DTNBP1: variants seen among roughly 807,000 people sequenced by gnomAD.
DTNBP1 encodes dysbindin.
In DTNBP1, 35 loss-of-function variants were observed where a neutral mutation model predicts 42.8. That is an observed-to-expected ratio of 0.82 (90% CI 0.63 to 1.09). The LOEUF (loss-of-function observed/expected upper bound fraction) is 1.09. Among genes scored for constraint, DTNBP1 ranks in the 50% least tolerant of loss-of-function variants. The probability of loss-of-function intolerance (pLI) is 0.00; values close to 1 mark genes in which losing one functional copy is unlikely to be tolerated. For synonymous variants in DTNBP1, 171 were observed against 162.2 expected (o/e 1.05, Z -0.41); for missense variants, 457 against 424.2 (o/e 1.08, Z -0.68).
In DTNBP1 at chr6:15,662,986, G is replaced by A. The variant is rs745690476; in HGVS notation, c.-117C>T. ...CCGCGCGCCCCGCACTCCCACTACCGGCCCCGCCCCCGGTCTGGTCCTCGC... is the reference window on the plus strand; with the variant it reads ...CCGCGCGCCCCGCACTCCCACTACCAGCCCCGCCCCCGGTCTGGTCCTCGC... On this transcript the variant is annotated 5_prime_UTR_variant, in exon 1 of 10. Transcript: ENST00000344537. The A allele has an allele frequency of 3.5e-6, 5 of 1,425,294 alleles. No individual in the cohort carries two copies. In the Admixed American group the frequency reaches 9.1e-5, roughly 26 times the overall value. The allele number at this position is 1,425,294 out of a possible 1,614,324, so 88.3% of individuals were successfully genotyped here.
chr6:15,600,204 G>A (rs1776675872), intron 6 of DTNBP1, among the ~76,000 whole-genome samples: 1 of 152,140 alleles, frequency 6.6e-6, no homozygotes, highest in Non-Finnish European at 1.5e-5. Context: ...CCCAAGCACA[G>A]AGTACAGATG....
At chr6:15,581,162 GA>G (rs1775812033) in intron 7 of DTNBP1, among the ~76,000 whole-genome samples, 1 of 152,128 alleles carries the variant, frequency 6.6e-6, no homozygotes. Context: ...TAGAAAAGGG[GA>G]GACTGCCAGA....
rs564874971 is a variant in DTNBP1 at position 15,547,824 on chromosome 6, G to C, written c.512-14429C>G. ...TGTCCTGAACTCCAGATATAACAGAGTGGGTTCTCATCCTCTCCATTTTCA... is the reference window on the plus strand; with the variant it reads ...TGTCCTGAACTCCAGATATAACAGACTGGGTTCTCATCCTCTCCATTTTCA... On this transcript the variant is annotated intron_variant, in intron 7 of 9. Transcript: ENST00000344537. Among the ~76,000 whole-genome samples the C allele has an allele frequency of 4.6e-5, 7 of 152,336 alleles. 1 individual carries two copies. The East Asian group carries it at 1.3e-3, about 29-fold the overall frequency.
chr6:15,582,196 T>C (rs1164349129), intron 7 of DTNBP1, among the ~76,000 whole-genome samples: 1 of 152,172 alleles, frequency 6.6e-6, no homozygotes, highest in East Asian at 1.9e-4. Flanking sequence ...CTGAACACTA[T>C]GGAAACTCAA....
intron 1 of DTNBP1, among the ~76,000 whole-genome samples, chr6:15,654,230 C>A (rs2619521): frequency 0.25 from 38,227 of 152,110 alleles, 5,564 homozygotes; most frequent in African/African-American, 0.4. Flanking sequence ...ATAAATTTCT[C>A]AGTTTATCCT....
chr6:15,531,231 A>C (rs1034114119), intron 8 of DTNBP1, among the ~76,000 whole-genome samples: 1 of 152,086 alleles, frequency 6.6e-6, no homozygotes, highest in African/African-American at 2.4e-5. Flanking sequence ...CACCCAGTCC[A>C]TATTGTTTTG....
In DTNBP1 at chr6:15,541,372, C is replaced by T. The variant is rs202215725; in HGVS notation, c.512-7977G>A. On this transcript the variant is annotated intron_variant, in intron 7 of 9. Coordinates refer to ENST00000344537, the MANE Select transcript of DTNBP1 (RefSeq NM_032122.5). ...TTCAAATCTAGGGGTTTAACAGCAT[C>T]TGAATTTTAGAATGAGGACTGAAAA... Among the ~76,000 whole-genome samples the T allele has an allele frequency of 3.3e-5, 5 of 152,246 alleles. No individual in the cohort carries two copies. The East Asian group carries it at 9.6e-4, about 29-fold the overall frequency.
At chr6:15,525,939 ACAC>A (rs1174135274) in intron 8 of DTNBP1, among the ~76,000 whole-genome samples, 2 of 152,198 alleles carry the variant, frequency 1.3e-5, no homozygotes, top group African/African-American at 2.4e-5. Context: ...ATCTTCACCT[ACAC>A]CAATTGCTTT....
chr6:15,641,887 A>T (rs1760382059), intron 3 of DTNBP1, among the ~76,000 whole-genome samples: 1 of 152,150 alleles, frequency 6.6e-6, no homozygotes. Flanking sequence ...GGACAAAGGA[A>T]ATGCAGGCAC....
intron 7 of DTNBP1, among the ~76,000 whole-genome samples, chr6:15,547,863 G>A (rs757339327): frequency 6.6e-6 from 1 of 152,178 alleles, no homozygotes; most frequent in Non-Finnish European, 1.5e-5. Context: ...ACAACATACA[G>A]AAGTTTTCAA....
chr6:15,594,406 A>C (rs1477396571), intron 6 of DTNBP1, among the ~76,000 whole-genome samples: 3 of 151,996 alleles, frequency 2.0e-5, no homozygotes, highest in Non-Finnish European at 4.4e-5. Context: ...CACAGTTAGC[A>C]ACAAGCCAAG....
intron 5 of DTNBP1, among the ~76,000 whole-genome samples, chr6:15,624,872 T>C (rs1230861075): frequency 1.3e-5 from 2 of 151,776 alleles, no homozygotes; most frequent in Non-Finnish European, 2.9e-5. Flanking sequence ...TTCCAAAATC[T>C]AAGACTGATA....
intron 7 of DTNBP1, among the ~76,000 whole-genome samples, chr6:15,549,490 T>TA (rs1561952291): frequency 0.12 from 12,289 of 101,686 alleles, 1,238 homozygotes; most frequent in African/African-American, 0.27. Flanking sequence ...GTCTCAGGGA[T>TA]TAAAAAAAAA....
intron 7 of DTNBP1, among the ~76,000 whole-genome samples, chr6:15,544,855 G>C (rs1239311600): frequency 6.6e-6 from 1 of 152,126 alleles, no homozygotes; most frequent in Non-Finnish European, 1.5e-5. Flanking sequence ...GTGGATGCCT[G>C]TCAGAAACAA....
At chr6:15,545,382 C>T (rs1028521811) in intron 7 of DTNBP1, among the ~76,000 whole-genome samples, 1 of 152,176 alleles carries the variant, frequency 6.6e-6, no homozygotes, top group Admixed American at 6.5e-5. Flanking sequence ...CATTATTCCT[C>T]AGAATTGGCA....
At chr6:15,593,426 A>G (rs1314488335) in intron 6 of DTNBP1, among the ~76,000 whole-genome samples, 2 of 152,250 alleles carry the variant, frequency 1.3e-5, no homozygotes, top group Non-Finnish European at 2.9e-5. Flanking sequence ...TCAGTTTATA[A>G]AAAGCACTTA....
intron 8 of DTNBP1, among the ~76,000 whole-genome samples, chr6:15,525,755 TACAAG>T (rs1375214951): frequency 2.0e-5 from 3 of 151,684 alleles, no homozygotes; most frequent in Admixed American, 2.0e-4. Context: ...AGAAAGGAAA[TACAAG>T]AGAGCATAAA....
intron 5 of DTNBP1, among the ~76,000 whole-genome samples, chr6:15,617,591 T>C (rs903338982): frequency 1.3e-5 from 2 of 151,812 alleles, no homozygotes; most frequent in African/African-American, 4.8e-5. Context: ...GCCAACCAGT[T>C]TTTGACAAAG....
At position 15,524,471 on chromosome 6, in the gene DTNBP1, G is replaced by A. The variant is rs755030559; in HGVS notation, c.811+55C>T. On this transcript the variant is annotated intron_variant, in intron 9 of 9. Transcript: ENST00000344537. ...ATGGTTCTCACGTCTCACCTTTGGA[G>A]GGGAGTGGCATCGATACTGCCCTGG... 5 of 1,613,614 alleles carry A rather than the reference G, an allele frequency of 3.1e-6. No individual in the cohort carries two copies. The East Asian group carries it at 1.1e-4, about 36-fold the overall frequency.
Sources: allele counts gnomAD v4.1 joint callset (sites outside exome capture counted in the v4.1 genomes callset), GRCh38; gene constraint gnomAD v4.1.1; transcripts MANE v1.5; gene names NCBI Gene and HGNC (gene_info 2026-07-23, HGNC 2026-07-21).